Variants in ECT2 observed in about 807,000 individuals in gnomAD.
The protein encoded by ECT2 is epithelial cell transforming 2, also known as protein ECT2.
ECT2 carries 61 observed loss-of-function variants against 116.9 expected under a neutral mutation model. The ratio of observed to expected loss-of-function variants is 0.52; its 90% CI spans 0.42 to 0.65. The LOEUF (loss-of-function observed/expected upper bound fraction) is 0.65. ECT2 is among the 30% of genes least tolerant of loss of function. ECT2 has a pLI of 0.00. For missense variants in ECT2, 937 were observed against 1,078.7 expected (o/e 0.87, Z 1.84); for synonymous variants, 358 against 346.4 (o/e 1.03, Z -0.37).
At chr3:172,819,282 C>T (rs1197396883) in intron 24 of ECT2, among the ~76,000 whole-genome samples, 3 of 152,156 alleles carry the variant, frequency 2.0e-5, no homozygotes, top group South Asian at 4.1e-4. Flanking sequence ...AAGCCAATTA[C>T]CTTACTAGCT....
intron 24 of ECT2, chr3:172,818,816 T>G: frequency 8.4e-7 from 1 of 1,191,144 alleles, no homozygotes; most frequent in Non-Finnish European, 1.1e-6. Flanking sequence ...AAGTTTAATG[T>G]GAGCTTATTA....
chr3:172,763,046 GT>G, intron 11 of ECT2, 74 bp downstream of exon 11: 1 of 1,474,030 alleles, frequency 6.8e-7, no homozygotes, highest in Non-Finnish European at 9.3e-7. Context: ...TGTCCAGAAG[GT>G]TTAGAAGCAT....
intron 16 of ECT2, 124 bp from the exon 17 acceptor site, chr3:172,784,583 A>G (rs1173891580): frequency 2.9e-6 from 2 of 684,186 alleles, no homozygotes; most frequent in East Asian, 2.7e-5. Flanking sequence ...GCCACGGAGA[A>G]ATTCCACTTC....
rs1439382159 is a variant in ECT2, at chr3:172,802,632, AAG to A, written c.1928_1929del (p.Arg643LysfsTer10). On this transcript the variant is annotated frameshift_variant, in exon 19 of 25. Transcript: ENST00000392692. LOFTEE classifies it high-confidence loss of function. ...ATTTTTCAGGCATATTAATGAGGAT[AAG>A]AGAAAAACAGAAGCTCAAAAGCAAA... ...KEVMTHINED[K>X]RKTEAQKQIF... 6.3e-7 allele frequency: 1 copy of A among 1,592,696 alleles called. No homozygotes were observed. The highest frequency in any genetic ancestry group is 1.3e-5 in the African/African-American group (1 of 74,140).
Position 172,783,706 on chromosome 3 carries a change from G to T in ECT2, c.1618-93G>T, listed in dbSNP as rs1198651325. 7 of 788,722 alleles carry T rather than the reference G, an allele frequency of 8.9e-6. 1 individual carries two copies. The highest frequency in any genetic ancestry group is 1.5e-5 in the Non-Finnish European group (7 of 471,806). 48.9% of individuals were successfully genotyped at this position (788,722 alleles called of 1,614,324 possible). A position where few individuals can be genotyped will look rare whatever the true frequency, so the allele number is the denominator to read the frequency against. ...TTAAACTTTTGCATCCACTATGTCA[G>T]ATTGTGACTACTAATTATTTGACTT... On this transcript the variant is annotated intron_variant, in intron 15 of 24. Coordinates refer to ENST00000392692, the MANE Select transcript of ECT2 (RefSeq NM_001258315.2).
downstream of ECT2, among the ~76,000 whole-genome samples, chr3:172,824,895 A>T (rs374998037): frequency 4.1e-5 from 2 of 48,776 alleles, no homozygotes; most frequent in East Asian, 3.9e-3. Flanking sequence ...ACAAACAAAA[A>T]AACTACATGT....
At chr3:172,824,586 A>T (rs1284905864), downstream of ECT2, among the ~76,000 whole-genome samples, 1 of 152,204 alleles carries the variant, frequency 6.6e-6, no homozygotes, top group East Asian at 1.9e-4. Context: ...GATCCAAACC[A>T]TATCAATATG....
At chr3:172,762,021 T>A (rs1718401308) in intron 8 of ECT2, among the ~76,000 whole-genome samples, 1 of 152,170 alleles carries the variant, frequency 6.6e-6, no homozygotes, top group East Asian at 1.9e-4. Context: ...AATTGGTGCT[T>A]GAAATTTATT....
downstream of ECT2, among the ~76,000 whole-genome samples, chr3:172,825,192 C>T (rs902050047): frequency 2.0e-5 from 3 of 152,054 alleles, no homozygotes; most frequent in African/African-American, 4.8e-5. Flanking sequence ...TTCTGGGGCA[C>T]CACAAACTGC....
chr3:172,810,812 C>A (rs1728631689), intron 22 of ECT2, among the ~76,000 whole-genome samples: 1 of 152,020 alleles, frequency 6.6e-6, no homozygotes. Flanking sequence ...ATTTCAAAAT[C>A]TATAGCTGAG....
chr3:172,759,967 T>C (rs1231594508), intron 6 of ECT2, among the ~76,000 whole-genome samples, 189 bp from the exon 7 acceptor site: 1 of 152,266 alleles, frequency 6.6e-6, no homozygotes, highest in Non-Finnish European at 1.5e-5. Context: ...TCTATAATTT[T>C]GCCTGTGTTA....
chr3:172,811,837 GA>G (rs990239442), intron 22 of ECT2, among the ~76,000 whole-genome samples: 2 of 151,956 alleles, frequency 1.3e-5, no homozygotes, highest in African/African-American at 4.8e-5. Flanking sequence ...TTGCACATAA[GA>G]AAAAAGATCA....
chr3:172,767,709 T>G (rs898867711), intron 12 of ECT2, among the ~76,000 whole-genome samples: 1 of 150,838 alleles, frequency 6.6e-6, no homozygotes, highest in African/African-American at 2.5e-5. Flanking sequence ...TATATATCTA[T>G]AGATATGTGT....
chr3:172,781,723 C>T (rs1477978507), intron 14 of ECT2, among the ~76,000 whole-genome samples: 5 of 152,166 alleles, frequency 3.3e-5, no homozygotes, highest in African/African-American at 4.8e-5. Context: ...AACACAGCCA[C>T]ACTCATTTAT....
chr3:172,804,794 G>T (rs958269698), intron 20 of ECT2, among the ~76,000 whole-genome samples: 2 of 151,850 alleles, frequency 1.3e-5, no homozygotes, highest in Admixed American at 1.3e-4. Flanking sequence ...TCTGTAATTG[G>T]TTCATTGACT....
downstream of ECT2, among the ~76,000 whole-genome samples, chr3:172,822,384 T>C (rs1730729963): frequency 6.6e-6 from 1 of 151,980 alleles, no homozygotes; most frequent in Non-Finnish European, 1.5e-5. Context: ...ATAATTTTCA[T>C]ATATAACTGA....
At position 172,757,124 on chromosome 3, in the gene ECT2, A is replaced by G; in HGVS notation, c.445A>G (p.Ile149Val). 6.4e-7 allele frequency: 1 copy of G among 1,555,162 alleles called. No homozygotes were observed. Among genetic ancestry groups the G allele is most frequent in the South Asian group, 1.3e-5 (1 of 78,676 alleles). Residue 149 changes from isoleucine to valine, a missense_variant, in exon 5 of 25, where the codon ATT becomes GTT. By Grantham distance (29) the Ile-to-Val change is conservative (BLOSUM62 3). Coordinates refer to ENST00000392692, the MANE Select transcript of ECT2 (RefSeq NM_001258315.2). ...NDLYKADCRV[I>V]GPPVVLNCSQ... ...CCTCTACAAGGCTGATTGTAGAGTT[A>G]TTGGACCACCAGTTGTATTAAATTG...
At chr3:172,778,069 G>A (rs959573104) in intron 14 of ECT2, among the ~76,000 whole-genome samples, 1 of 152,096 alleles carries the variant, frequency 6.6e-6, no homozygotes, top group Admixed American at 6.5e-5. Flanking sequence ...GAGAAACCCT[G>A]GTTAAGATTA....
chr3:172,815,531 A>G (rs930402153), intron 22 of ECT2, 73 bp from the exon 23 acceptor site: 1 of 913,044 alleles, frequency 1.1e-6, no homozygotes, highest in Non-Finnish European at 1.7e-6. Flanking sequence ...CCATATATAA[A>G]TATGCTTAAA....
Sources: gnomAD v4.1 joint callset for allele counts (sites outside exome capture counted in the v4.1 genomes callset) on GRCh38, gnomAD v4.1.1 for gene constraint, MANE v1.5 for transcripts, NCBI Gene and HGNC (gene_info 2026-07-23, HGNC 2026-07-21) for gene names.